Variants in RTL9 observed in about 807,000 individuals in gnomAD.
The protein encoded by RTL9 is retrotransposon Gag like 9.
Under a neutral mutation model 44.7 loss-of-function variants are expected in RTL9, and 19 were observed. That is an observed-to-expected ratio of 0.42 (90% CI 0.30 to 0.62). RTL9 has a LOEUF of 0.62. Ranked by LOEUF, RTL9 falls within the 20% of genes least tolerant of loss-of-function variation. RTL9 has a pLI of 0.16. For missense variants in RTL9, 1,105 were observed against 1,080.6 expected (o/e 1.02, Z -0.32); for synonymous variants, 407 against 398.9 (o/e 1.02, Z -0.24).
rs1034534546 is a variant in RTL9 at position 110,408,633 on chromosome X, C to T, written c.-167-36520C>T. ...GGAAGATTACATGGTTACAGAGGAT[C>T]ACACAGACTCATTCACCATTTCAGG... On this transcript the variant is annotated intron_variant, in intron 1 of 2. Coordinates refer to the RTL9 transcript ENST00000520821. Among the ~76,000 whole-genome samples the T allele has an allele frequency of 2.7e-5, 3 of 112,338 alleles. 1 individual carries two copies. Among genetic ancestry groups the T allele is most frequent in the Non-Finnish European group, 5.6e-5 (3 of 53,278 alleles).
chrX:110,365,213 C>G lies in RTL9; in HGVS notation c.-168+6297C>G, dbSNP rs779279728. ...TAGTTAAAAATGTCAGTTTCCTGGT[C>G]CTTTATAGCAGACTTACTGAGTTAG... On this transcript the variant is annotated intron_variant, in intron 1 of 2. Coordinates refer to the RTL9 transcript ENST00000520821. Among the ~76,000 whole-genome samples the G allele has an allele frequency of 3.6e-5, 4 of 111,691 alleles. No homozygotes were observed. In the South Asian group the frequency reaches 1.5e-3, roughly 43 times the overall value.
At chrX:110,372,558 C>A (rs1277046943) in intron 1 of RTL9, among the ~76,000 whole-genome samples, 1 of 111,369 alleles carries the variant, frequency 9.0e-6, no homozygotes, top group Non-Finnish European at 1.9e-5. Flanking sequence ...AAGTATACAG[C>A]CCTACTTCAT....
At chrX:110,414,989 A>G (rs1302215487), upstream of RTL9, among the ~76,000 whole-genome samples, 3 of 111,235 alleles carry the variant, frequency 2.7e-5, no homozygotes, top group African/African-American at 9.8e-5. Context: ...CTGCCTCCCC[A>G]TCCTCCACAC....
At chrX:110,363,805 G>A (rs1262634357) in intron 1 of RTL9, among the ~76,000 whole-genome samples, 1 of 111,117 alleles carries the variant, frequency 9.0e-6, no homozygotes, top group Non-Finnish European at 1.9e-5. Flanking sequence ...CATATAACAA[G>A]TGCCTACAGA....
rs753660200 is a variant in RTL9 at position 110,428,379 on chromosome X, G to C, written c.-168+9244G>C. 2.7e-5 allele frequency among the ~76,000 whole-genome samples: 3 copies of C among 112,099 alleles called. No homozygotes were observed. In the Admixed American group the frequency reaches 2.8e-4, roughly 11 times the overall value. On this transcript the variant is annotated intron_variant, in intron 1 of 3. Transcript: ENST00000465301. ...TGTAAGTAACTTGAGGTTAGGGACA[G>C]AGCCTTGTACATTCCTGTATCCCAG...
chrX:110,404,176 C>T (rs1402760775), intron 1 of RTL9, among the ~76,000 whole-genome samples: 4 of 112,297 alleles, frequency 3.6e-5, no homozygotes, highest in Admixed American at 9.4e-5. Context: ...TGGTCAGGCT[C>T]CTTCATTTTT....
chrX:110,388,426 G>A (rs1388206539), intron 1 of RTL9, among the ~76,000 whole-genome samples: 1 of 111,929 alleles, frequency 8.9e-6, no homozygotes, highest in Non-Finnish European at 1.9e-5. Context: ...CAATGAGTTT[G>A]TGGGGCAGCT....
Position 110,454,156 on chromosome X carries a change from T to C in RTL9, c.3539T>C (p.Leu1180Ser), listed in dbSNP as rs772895998. Residue 1180 changes from leucine (L) to serine (S), a missense_variant, in exon 1 of 2, where the codon TTG becomes TCG. Transcript: ENST00000540313. ...GAGGAGAAGCAAATGAAGGGGTTTT[T>C]GGACGATTCAGAGAGAATGGCATTT... 5 of 1,211,981 alleles carry C rather than the reference T, an allele frequency of 4.1e-6. No homozygotes were observed. In the South Asian group the frequency reaches 8.8e-5, roughly 21 times the overall value.
At chrX:110,366,747 C>T (rs1020633072) in intron 1 of RTL9, among the ~76,000 whole-genome samples, 1 of 111,856 alleles carries the variant, frequency 8.9e-6, no homozygotes, top group East Asian at 2.8e-4. Context: ...CCTGCCCCAG[C>T]AGCCGAATGA....
At chrX:110,435,789 C>G (rs1422182002) in intron 1 of RTL9, among the ~76,000 whole-genome samples, 1 of 111,902 alleles carries the variant, frequency 8.9e-6, no homozygotes, top group Admixed American at 9.5e-5. Flanking sequence ...TATTATAAAC[C>G]CTGTTTATAT....
upstream of RTL9, among the ~76,000 whole-genome samples, chrX:110,417,859 G>A (rs913540370): frequency 8.9e-6 from 1 of 112,484 alleles, no homozygotes; most frequent in African/African-American, 3.2e-5. Context: ...AAGAGAAAAC[G>A]GAGGTAGCCT....
At chrX:110,379,984 T>G (rs776394134) in intron 1 of RTL9, among the ~76,000 whole-genome samples, 5 of 111,861 alleles carry the variant, frequency 4.5e-5, no homozygotes, top group Admixed American at 9.5e-5. Flanking sequence ...TGAGTCTCTG[T>G]GAGAGGAAAT....
chrX:110,418,889 G>T (rs2148318328), upstream of RTL9, among the ~76,000 whole-genome samples: 1 of 110,967 alleles, frequency 9.0e-6, no homozygotes, highest in East Asian at 2.8e-4. Flanking sequence ...TTCAGCCGCG[G>T]CCTGAGCCCA....
chrX:110,430,601 C>T (rs373774259), intron 1 of RTL9, among the ~76,000 whole-genome samples: 10 of 111,707 alleles, frequency 9.0e-5, no homozygotes, highest in African/African-American at 3.3e-4. Flanking sequence ...TGGAAATTTT[C>T]AGTACTGCCA....
At chrX:110,414,060 G>A (rs1043834606), upstream of RTL9, among the ~76,000 whole-genome samples, 19 of 111,672 alleles carry the variant, frequency 1.7e-4, no homozygotes, top group African/African-American at 5.9e-4. Context: ...AGAATCTTGC[G>A]TATATCCCCA....
At chrX:110,369,334 TAAAAGAAA>T (rs974304819) in intron 1 of RTL9, among the ~76,000 whole-genome samples, 12 of 110,267 alleles carry the variant, frequency 1.1e-4, no homozygotes, top group African/African-American at 1.6e-4. Flanking sequence ...TCTGTCTCAG[TAAAAGAAA>T]AAAAGAAAAA....
chrX:110,448,653 G>C (rs1369793122), upstream of RTL9, among the ~76,000 whole-genome samples: 1 of 90,497 alleles, frequency 1.1e-5, no homozygotes, highest in Non-Finnish European at 2.2e-5. Flanking sequence ...GCAAGCAGTA[G>C]CAAGTCAGGA....
intron 1 of RTL9, among the ~76,000 whole-genome samples, chrX:110,428,453 A>G (rs1308731693): frequency 8.9e-6 from 1 of 111,951 alleles, no homozygotes; most frequent in Non-Finnish European, 1.9e-5. Context: ...AGCCATAACC[A>G]TCTGCAGAAC....
intron 1 of RTL9, among the ~76,000 whole-genome samples, chrX:110,381,248 A>G (rs1336653203): frequency 8.9e-6 from 1 of 112,177 alleles, no homozygotes; most frequent in Non-Finnish European, 1.9e-5. Context: ...AAACAACCCC[A>G]TTGAAAAGAG....
Sources: gnomAD v4.1 joint callset for allele counts (sites outside exome capture counted in the v4.1 genomes callset) on GRCh38, gnomAD v4.1.1 for gene constraint, MANE v1.5 for transcripts, NCBI Gene and HGNC (gene_info 2026-07-23, HGNC 2026-07-21) for gene names.